Variants in AAR2 observed in about 807,000 individuals in gnomAD.
AAR2 encodes protein AAR2 homolog.
AAR2 carries 31 observed loss-of-function variants against 26.9 expected under a neutral mutation model. That is an observed-to-expected ratio of 1.15 (90% CI 0.86 to 1.55). AAR2 has a LOEUF of 1.55. Among genes scored for constraint, AAR2 ranks in the 40% most tolerant of loss-of-function variants. The pLI is 0.00. For synonymous variants in AAR2, 188 were observed against 196.1 expected (o/e 0.96, Z 0.34); for missense variants, 430 against 491.3 (o/e 0.88, Z 1.18).
At chr20:36,237,059 G>GA (rs1176753074) in intron 1 of AAR2, among the ~76,000 whole-genome samples, 2 of 152,110 alleles carry the variant, frequency 1.3e-5, no homozygotes, top group Admixed American at 6.5e-5. Flanking sequence ...GCTGAGATCA[G>GA]AAAAAAGGAT....
chr20:36,253,370 G>C (rs568352507), intron 3 of AAR2, among the ~76,000 whole-genome samples: 9 of 152,268 alleles, frequency 5.9e-5, no homozygotes, highest in African/African-American at 1.9e-4. Context: ...TGGGCCTGTA[G>C]GGTAGCAGAT....
rs200907454 is a variant in AAR2, at chr20:36,239,991, C to G, written c.123C>G (p.Val41=). The change falls in exon 2 of 4, where the codon GTC becomes GTG. Residue 41 remains valine (V), a synonymous_variant. Coordinates refer to ENST00000320849, the MANE Select transcript of AAR2 (RefSeq NM_001271874.2). ...GGATTGACTATAACTCCTGGGAGGT[C>G]GGGCCCAAGTTCCGGGGCGTGAAGA... ...EFGIDYNSWE[V]GPKFRGVKMI... is the part of the protein sequence containing the mutation. 4.3e-6 allele frequency: 7 copies of G among 1,614,196 alleles called. No homozygotes were observed. Among genetic ancestry groups the G allele is most frequent in the Admixed American group, 1.7e-5 (1 of 60,032 alleles).
At chr20:36,245,702 G>A (rs1464874851) in intron 3 of AAR2, among the ~76,000 whole-genome samples, 14 of 152,178 alleles carry the variant, frequency 9.2e-5, no homozygotes, top group Non-Finnish European at 1.9e-4. Context: ...AATCCCACTC[G>A]GGGTAACAGA....
intron 3 of AAR2, among the ~76,000 whole-genome samples, chr20:36,253,585 G>A (rs1324762449): frequency 6.6e-6 from 1 of 152,188 alleles, no homozygotes; most frequent in Admixed American, 6.5e-5. Flanking sequence ...TACTCTTAGG[G>A]AGGGACTGGG....
intron 3 of AAR2, among the ~76,000 whole-genome samples, chr20:36,248,887 T>C (rs1035281237): frequency 6.6e-6 from 1 of 152,012 alleles, no homozygotes; most frequent in African/African-American, 2.4e-5. Context: ...TAAAACTTTT[T>C]TTTTTTTTTT....
At chr20:36,250,910 A>G (rs1217250908) in intron 3 of AAR2, among the ~76,000 whole-genome samples, 1 of 152,122 alleles carries the variant, frequency 6.6e-6, no homozygotes, top group Non-Finnish European at 1.5e-5. Context: ...AGAAGAAAAA[A>G]AAAATACCAG....
At position 36,244,879 on chromosome 20, in the gene AAR2, T is replaced by C; in HGVS notation, c.940T>C (p.Phe314Leu). 1 of 1,614,202 alleles carries C rather than the reference T, an allele frequency of 6.2e-7. No individual in the cohort carries two copies. The highest frequency in any genetic ancestry group is 8.5e-7 in the Non-Finnish European group (1 of 1,180,036). Residue 314 changes from phenylalanine to leucine, a missense_variant, in exon 3 of 4, where the codon TTC (phenylalanine) becomes CTC (leucine). Coordinates refer to ENST00000320849, the MANE Select transcript of AAR2 (RefSeq NM_001271874.2). ...HQLGEIPADF[F>L]VDIVSQDNFL... is the part of the protein sequence containing the mutation. Reference sequence around the variant, plus strand: ...GCTTGGTGAGATCCCCGCTGACTTCTTCGTAGACATTGTCTCCCAAGACAA... The same window carrying C: ...GCTTGGTGAGATCCCCGCTGACTTCCTCGTAGACATTGTCTCCCAAGACAA...
At chr20:36,241,846 A>G (rs2064683511) in intron 2 of AAR2, among the ~76,000 whole-genome samples, 1 of 152,140 alleles carries the variant, frequency 6.6e-6, no homozygotes, top group South Asian at 2.1e-4. Context: ...TAGGGATAGA[A>G]TTGCTGGGTC....
chr20:36,246,769 G>C (rs553984202), intron 3 of AAR2, among the ~76,000 whole-genome samples: 1 of 152,230 alleles, frequency 6.6e-6, no homozygotes, highest in Non-Finnish European at 1.5e-5. Context: ...CAGGTGGGTT[G>C]TGCAAAGCTG....
At chr20:36,253,831 A>C (rs934922894) in intron 3 of AAR2, among the ~76,000 whole-genome samples, 5 of 152,268 alleles carry the variant, frequency 3.3e-5, no homozygotes, top group African/African-American at 4.8e-5. Flanking sequence ...CAATGTGCAC[A>C]TGAAAACATA....
At chr20:36,252,800 C>A (rs1475910697) in intron 3 of AAR2, among the ~76,000 whole-genome samples, 1 of 152,140 alleles carries the variant, frequency 6.6e-6, no homozygotes, top group East Asian at 1.9e-4. Flanking sequence ...GGGATGGCCT[C>A]ATGGGTGTGC....
Position 36,240,159 on chromosome 20 carries a change from G to C in AAR2, c.291G>C (p.Glu97Asp). The change falls in exon 2 of 4, where the codon GAG (glutamate) becomes GAC (aspartate). Residue 97 changes from glutamate to aspartate, a missense_variant. Coordinates refer to ENST00000320849, the MANE Select transcript of AAR2 (RefSeq NM_001271874.2). The stretch of plus-strand genomic sequence containing the variant: ...TGCGCTGGAGCACACTCAGGGAAGA[G>C]GTAGACCTGTCCCCAGCCCCAGAGT... ...TVLRWSTLRE[E>D]VDLSPAPESE... 3 of 1,614,228 alleles carry C rather than the reference G, an allele frequency of 1.9e-6. No homozygotes were observed. Among genetic ancestry groups the C allele is most frequent in the Non-Finnish European group, 1.7e-6 (2 of 1,180,040 alleles).
intron 3 of AAR2, among the ~76,000 whole-genome samples, chr20:36,249,123 A>C (rs1290937626): frequency 6.6e-6 from 1 of 152,174 alleles, no homozygotes; most frequent in African/African-American, 2.4e-5. Context: ...GTGAGCACTT[A>C]AAGACAGCCA....
Position 36,238,139 on chromosome 20 carries a change from C to G in AAR2, c.-49+1636C>G, listed in dbSNP as rs540994971. Reference sequence around the variant, plus strand: ...TTCAAACTTTTATGACTGTGACCTACAGTAACGAATACATTTTATGGCACA... The same window carrying G: ...TTCAAACTTTTATGACTGTGACCTAGAGTAACGAATACATTTTATGGCACA... On this transcript the variant is annotated intron_variant, in intron 1 of 3. Coordinates refer to ENST00000320849, the MANE Select transcript of AAR2 (RefSeq NM_001271874.2). Among the ~76,000 whole-genome samples the G allele has an allele frequency of 2.0e-5, 3 of 152,220 alleles. No homozygotes were observed. The East Asian group carries it at 5.8e-4, about 29-fold the overall frequency.
chr20:36,246,140 G>A (rs560765812), intron 3 of AAR2, among the ~76,000 whole-genome samples: 1 of 152,284 alleles, frequency 6.6e-6, no homozygotes, highest in East Asian at 1.9e-4. Context: ...GCAGGTGGAG[G>A]TCAGGATTTG....
At position 36,240,301 on chromosome 20, in the gene AAR2, G is replaced by A. The variant is rs570444876; in HGVS notation, c.433G>A (p.Val145Met). The change falls in exon 2 of 4, where the codon GTG becomes ATG. Residue 145 changes from valine to methionine, a missense_variant. By Grantham distance (21) the Val-to-Met change is conservative. Transcript: ENST00000320849. The part of the protein sequence containing the change: ...SLTNFISEAT[V>M]EKLQPENRQI... ...CACCAACTTCATCAGCGAAGCCACAGTGGAGAAGCTACAGCCCGAGAATCG... is the reference window on the plus strand; with the variant it reads ...CACCAACTTCATCAGCGAAGCCACAATGGAGAAGCTACAGCCCGAGAATCG... 5.4e-5 allele frequency: 87 copies of A among 1,614,236 alleles called. 1 individual carries two copies. The East Asian group carries it at 1.6e-3, about 29-fold the overall frequency.
chr20:36,238,691 C>T (rs998457413), intron 1 of AAR2, among the ~76,000 whole-genome samples: 16 of 145,226 alleles, frequency 1.1e-4, no homozygotes, highest in South Asian at 2.2e-4. Flanking sequence ...GGGAGGTGGA[C>T]GATGTAGTGA....
At chr20:36,245,926 A>G (rs2064730255) in intron 3 of AAR2, among the ~76,000 whole-genome samples, 1 of 152,204 alleles carries the variant, frequency 6.6e-6, no homozygotes, top group Non-Finnish European at 1.5e-5. Context: ...AGGCTGAGAC[A>G]GGAGGATCAC....
intron 3 of AAR2, among the ~76,000 whole-genome samples, chr20:36,246,088 A>G (rs976222601): frequency 2.6e-5 from 4 of 152,198 alleles, no homozygotes; most frequent in African/African-American, 9.7e-5. Context: ...AAATGGGAAC[A>G]CTTGAGAATG....
Sources: gnomAD v4.1 joint callset for allele counts (sites outside exome capture counted in the v4.1 genomes callset) on GRCh38, gnomAD v4.1.1 for gene constraint, MANE v1.5 for transcripts, NCBI Gene and HGNC (gene_info 2026-07-23, HGNC 2026-07-21) for gene names.